FABP7: variants seen among roughly 807,000 people sequenced by gnomAD.
FABP7 encodes the protein fatty acid-binding protein, brain.
Under a neutral mutation model 14.2 loss-of-function variants are expected in FABP7, and 13 were observed. The observed-to-expected ratio is 0.91, with a 90% CI of 0.59 to 1.45. The LOEUF is 1.45. Among genes scored for constraint, FABP7 ranks in the 40% most tolerant of loss-of-function variants. The pLI, the probability that FABP7 is intolerant of heterozygous loss-of-function variation, is 0.00. For missense variants in FABP7, 149 were observed against 157.6 expected (o/e 0.95, Z 0.29); for synonymous variants, 49 against 51.4 (o/e 0.95, Z 0.20).
At chr6:122,783,602 T>C (rs950646735) in intron 3 of FABP7, 115 bp from the exon 4 acceptor site, 1 of 1,445,994 alleles carries the variant, frequency 6.9e-7, no homozygotes, top group Non-Finnish European at 9.1e-7. Context: ...CAGCATTTAA[T>C]GTTTGTAAAT....
the FABP7 span, among the ~76,000 whole-genome samples, chr6:122,768,486 A>G: frequency 6.6e-6 from 1 of 152,198 alleles, no homozygotes; most frequent in Non-Finnish European, 1.5e-5. Context: ...TGAACTAAAT[A>G]AAAGCAAAAA....
chr6:122,758,292 G>A, the FABP7 span, among the ~76,000 whole-genome samples: 1 of 151,942 alleles, frequency 6.6e-6, no homozygotes, highest in Admixed American at 6.5e-5. Context: ...ATTTTTAGTA[G>A]AGACAAAGTT....
the FABP7 span, among the ~76,000 whole-genome samples, chr6:122,774,195 C>G: frequency 1.3e-5 from 2 of 151,788 alleles, no homozygotes; most frequent in Non-Finnish European, 1.5e-5. Context: ...AACACCATCT[C>G]TACTAAAAAT....
the FABP7 span, among the ~76,000 whole-genome samples, chr6:122,773,930 T>C: frequency 6.6e-6 from 1 of 152,206 alleles, no homozygotes; most frequent in South Asian, 2.1e-4. Context: ...TTCTTTACCA[T>C]TAGTGCCACT....
the FABP7 span, among the ~76,000 whole-genome samples, chr6:122,765,615 T>C: frequency 6.6e-6 from 1 of 152,100 alleles, no homozygotes; most frequent in Admixed American, 6.6e-5. Context: ...CTTCAAACAA[T>C]GGCATTCTAT....
the FABP7 span, among the ~76,000 whole-genome samples, chr6:122,750,514 T>G: frequency 6.6e-6 from 1 of 152,218 alleles, no homozygotes; most frequent in Non-Finnish European, 1.5e-5. Context: ...ATAACTAAAT[T>G]CATTTGTCTT....
the FABP7 span, among the ~76,000 whole-genome samples, chr6:122,755,728 A>T: frequency 6.6e-6 from 1 of 151,944 alleles, no homozygotes; most frequent in East Asian, 1.9e-4. Flanking sequence ...AAGTGCTGGG[A>T]TTACAAGCAT....
At chr6:122,780,942 G>T in intron 2 of FABP7, 151 bp from the exon 3 acceptor site, 1 of 933,960 alleles carries the variant, frequency 1.1e-6, no homozygotes, top group Non-Finnish European at 1.5e-6. Flanking sequence ...TTACATAATA[G>T]AAAATCTAGA....
intron 3 of FABP7, chr6:122,782,125 T>C (rs1299490825): frequency 2.0e-6 from 2 of 984,402 alleles, no homozygotes; most frequent in Non-Finnish European, 2.4e-6. Flanking sequence ...TTTAAACATA[T>C]ATATTCAATA....
At chr6:122,775,704 C>CAACAA (rs1554243097), upstream of FABP7, among the ~76,000 whole-genome samples, 4 of 149,582 alleles carry the variant, frequency 2.7e-5, no homozygotes, top group African/African-American at 7.4e-5. Flanking sequence ...ACAACAACAA[C>CAACAA]AAAAAAAACA....
chr6:122,764,487 T>A, the FABP7 span, among the ~76,000 whole-genome samples: 1 of 151,964 alleles, frequency 6.6e-6, no homozygotes, highest in East Asian at 1.9e-4. Context: ...TGTATACATA[T>A]GTAACAAACC....
At chr6:122,755,547 G>A in the FABP7 span, among the ~76,000 whole-genome samples, 162 of 147,660 alleles carry the variant, frequency 1.1e-3, 1 homozygote, top group Middle Eastern at 3.7e-3. Flanking sequence ...TCTGCCTCCC[G>A]GGTTCACGCC....
chr6:122,761,338 C>T, the FABP7 span, among the ~76,000 whole-genome samples: 3 of 152,092 alleles, frequency 2.0e-5, no homozygotes, highest in Non-Finnish European at 4.4e-5. Flanking sequence ...AAGAGATGAT[C>T]CAGAGTAACA....
chr6:122,751,850 C>G, the FABP7 span, among the ~76,000 whole-genome samples: 2 of 152,162 alleles, frequency 1.3e-5, no homozygotes, highest in African/African-American at 4.8e-5. Context: ...CTCCCAGGCT[C>G]TCTTGCTTCC....
At chr6:122,781,740 CTTTTTTT>C (rs34336029) in intron 3 of FABP7, 1 of 739,870 alleles carries the variant, frequency 1.4e-6, no homozygotes, top group Non-Finnish European at 1.6e-6. Context: ...AGTGATAACC[CTTTTTTT>C]TTTTTTTTTT....
the FABP7 span, among the ~76,000 whole-genome samples, chr6:122,770,380 TTTATC>T: frequency 6.6e-6 from 1 of 152,092 alleles, no homozygotes; most frequent in African/African-American, 2.4e-5. Flanking sequence ...ACAAGACACT[TTTATC>T]TGATATGGAG....
the FABP7 span, among the ~76,000 whole-genome samples, chr6:122,761,586 T>C: frequency 1.3e-5 from 2 of 152,182 alleles, no homozygotes; most frequent in Non-Finnish European, 2.9e-5. Context: ...AACAGACTTA[T>C]GATTAAAAAT....
chr6:122,762,965 A>G, the FABP7 span, among the ~76,000 whole-genome samples: 1 of 152,226 alleles, frequency 6.6e-6, no homozygotes, highest in Admixed American at 6.5e-5. Context: ...ATACTGCCCA[A>G]GGTAATTTCC....
At chr6:122,766,056 C>G in the FABP7 span, among the ~76,000 whole-genome samples, 1 of 151,740 alleles carries the variant, frequency 6.6e-6, no homozygotes, top group East Asian at 1.9e-4. Context: ...TTTTTTCTTT[C>G]CCTCAACATG....
Sources: allele counts gnomAD v4.1 joint callset (sites outside exome capture counted in the v4.1 genomes callset), GRCh38; gene constraint gnomAD v4.1.1; transcripts MANE v1.5; gene names NCBI Gene and HGNC (gene_info 2026-07-23, HGNC 2026-07-21).